GDAP1: variants seen among roughly 807,000 people sequenced by gnomAD.
GDAP1 encodes the protein ganglioside-induced differentiation-associated protein 1.
GDAP1 carries 34 observed loss-of-function variants against 40.1 expected under a neutral mutation model. The ratio of observed to expected loss-of-function variants is 0.85; its 90% confidence interval spans 0.64 to 1.13. GDAP1 has a LOEUF of 1.13. Among genes scored for constraint, GDAP1 ranks in the 50% most tolerant of loss-of-function variants. The pLI is 0.00. For missense variants in GDAP1, 374 were observed against 433.7 expected, an observed-to-expected ratio of 0.86 and a Z score of 1.22; for synonymous variants, 170 against 157.4, an observed-to-expected ratio of 1.08 and a Z score of -0.60.
At chr8:74,384,366 A>C (rs542653698) in intron 2 of GDAP1, among the ~76,000 whole-genome samples, 2 of 152,288 alleles carry the variant, frequency 1.3e-5, no homozygotes, top group Non-Finnish European at 2.9e-5. Flanking sequence ...AACAATTTTT[A>C]TATTTTTCCA....
chr8:74,365,112 A>G lies in GDAP1; in HGVS notation c.*745A>G, dbSNP rs1176778356. On this transcript the variant is annotated 3_prime_UTR_variant, in exon 6 of 6. Transcript: ENST00000220822. The stretch of plus-strand genomic sequence containing the variant: ...AAGGGTGGCATCTGTAGCCCTCTTC[A>G]TACACATAAGTGGCATTTAGGTGAA... 8.8e-6 allele frequency: 4 copies of G among 453,994 alleles called. No homozygotes were observed. The highest frequency in any genetic ancestry group is 1.6e-5 in the South Asian group (1 of 64,480). 28.1% of individuals were successfully genotyped at this position (453,994 alleles called of 1,614,324 possible).
At chr8:74,427,334 A>AT (rs1287356986) in intron 2 of GDAP1, among the ~76,000 whole-genome samples, 1 of 152,064 alleles carries the variant, frequency 6.6e-6, no homozygotes, top group African/African-American at 2.4e-5. Flanking sequence ...ACCCGGCCCA[A>AT]TTTCCTGACC....
chr8:74,465,381 G>A (rs563964478), intron 2 of GDAP1, among the ~76,000 whole-genome samples: 25 of 152,020 alleles, frequency 1.6e-4, no homozygotes, highest in African/African-American at 5.8e-4. Flanking sequence ...CCCCTTTCAT[G>A]CAATCTCTCG....
At chr8:74,476,094 G>C (rs563448656) in intron 2 of GDAP1, among the ~76,000 whole-genome samples, 1 of 152,184 alleles carries the variant, frequency 6.6e-6, no homozygotes, top group African/African-American at 2.4e-5. Context: ...CTGAAATTAG[G>C]ATTGCAACCC....
intron 2 of GDAP1, among the ~76,000 whole-genome samples, chr8:74,400,781 G>T (rs1305231467): frequency 1.3e-5 from 2 of 149,178 alleles, no homozygotes; most frequent in African/African-American, 5.2e-5. Flanking sequence ...TTGCTTGTCT[G>T]TAAAGGATTT....
At chr8:74,416,042 T>C (rs1805773703) in intron 2 of GDAP1, among the ~76,000 whole-genome samples, 1 of 149,854 alleles carries the variant, frequency 6.7e-6, no homozygotes, top group Non-Finnish European at 1.5e-5. Flanking sequence ...TTTTCAGATC[T>C]GAGCTCAGAC....
chr8:74,476,961 C>A (rs1806637452), intron 2 of GDAP1, among the ~76,000 whole-genome samples: 1 of 152,106 alleles, frequency 6.6e-6, no homozygotes. Context: ...TCCTGTATTT[C>A]TCAGAGGTTC....
intron 2 of GDAP1, among the ~76,000 whole-genome samples, chr8:74,414,855 A>G (rs1227129888): frequency 6.7e-6 from 1 of 150,010 alleles, no homozygotes; most frequent in Non-Finnish European, 1.5e-5. Flanking sequence ...AAGCAAGATA[A>G]ACACAAAAGA....
chr8:74,372,139 A>T (rs1376400805), intron 2 of GDAP1, among the ~76,000 whole-genome samples: 12 of 152,256 alleles, frequency 7.9e-5, no homozygotes, highest in Non-Finnish European at 2.9e-5. Flanking sequence ...TGATGTATAT[A>T]TGCCACATTT....
chr8:74,400,237 T>C (rs1052408885), intron 2 of GDAP1, among the ~76,000 whole-genome samples: 2 of 149,982 alleles, frequency 1.3e-5, no homozygotes, highest in Non-Finnish European at 2.9e-5. Context: ...GGTGCTCCTG[T>C]GTTGGGTACA....
intron 2 of GDAP1, among the ~76,000 whole-genome samples, chr8:74,461,340 T>C (rs1806398445): frequency 6.6e-6 from 1 of 152,202 alleles, no homozygotes; most frequent in African/African-American, 2.4e-5. Context: ...ATACATATTA[T>C]TTAATGACCC....
chr8:74,427,967 T>G (rs532113077), intron 2 of GDAP1, among the ~76,000 whole-genome samples: 11 of 152,340 alleles, frequency 7.2e-5, no homozygotes, highest in Admixed American at 6.5e-4. Context: ...AGAATATTTT[T>G]AAGAAATGTT....
intron 2 of GDAP1, among the ~76,000 whole-genome samples, chr8:74,454,535 G>T (rs1221364292): frequency 2.4e-5 from 2 of 83,584 alleles, no homozygotes; most frequent in Non-Finnish European, 4.9e-5. Flanking sequence ...TCAACCAATG[G>T]TTGAAAGATG....
At chr8:74,414,983 T>C (rs1035624677) in intron 2 of GDAP1, among the ~76,000 whole-genome samples, 2 of 150,364 alleles carry the variant, frequency 1.3e-5, no homozygotes, top group Non-Finnish European at 2.9e-5. Context: ...CAGTGATGGT[T>C]GATTCTAATT....
At chr8:74,355,044 A>G (rs1266821860) in intron 2 of GDAP1, among the ~76,000 whole-genome samples, 2 of 152,224 alleles carry the variant, frequency 1.3e-5, no homozygotes, top group Non-Finnish European at 2.9e-5. Context: ...TTTTTTGTTT[A>G]CATTTACATA....
chr8:74,352,487 G>A (rs1808923213), intron 2 of GDAP1, among the ~76,000 whole-genome samples: 2 of 152,216 alleles, frequency 1.3e-5, no homozygotes. Context: ...ACAAAAAAAA[G>A]TCTCATGTAC....
At chr8:74,443,445 C>G (rs190877388) in intron 2 of GDAP1, among the ~76,000 whole-genome samples, 97 of 152,284 alleles carry the variant, frequency 6.4e-4, no homozygotes, top group African/African-American at 2.1e-3. Context: ...ACCATTCTAT[C>G]TGGATCGTTT....
chr8:74,418,431 G>A (rs2047899090), intron 2 of GDAP1, among the ~76,000 whole-genome samples: 1 of 152,156 alleles, frequency 6.6e-6, no homozygotes, highest in South Asian at 2.1e-4. Flanking sequence ...AGGCAATTTA[G>A]CAGAGATATT....
intron 2 of GDAP1, among the ~76,000 whole-genome samples, chr8:74,372,884 G>A (rs1392685528): frequency 6.6e-6 from 1 of 152,074 alleles, no homozygotes; most frequent in African/African-American, 2.4e-5. Context: ...TTCTTCTAGG[G>A]TTTTTATGGT....
Sources: gnomAD v4.1 joint callset for allele counts (sites outside exome capture counted in the v4.1 genomes callset) on GRCh38, gnomAD v4.1.1 for gene constraint, MANE v1.5 for transcripts, NCBI Gene and HGNC (gene_info 2026-07-23, HGNC 2026-07-21) for gene names.